The following GNG12 variants were observed in gnomAD, a reference collection of about 807,000 sequenced individuals.
The protein encoded by GNG12 is guanine nucleotide-binding protein G(I)/G(S)/G(O) subunit gamma-12.
For missense variants in GNG12, 69 were observed against 83.8 expected, an observed-to-expected ratio of 0.82 and a Z score of 0.69; for synonymous variants, 28 against 29.7, an observed-to-expected ratio of 0.94 and a Z score of 0.19.
rs1646231477 is a variant in GNG12, at chr1:67,704,217, G to A, written c.*1234C>T. On this transcript the variant is annotated 3_prime_UTR_variant, in exon 4 of 4. Coordinates refer to ENST00000370982, the MANE Select transcript of GNG12 (RefSeq NM_018841.6). Reference sequence around the variant, plus strand: ...CAAGGAGTGTACCACTGAATCCAAGGCTCTCTTGGGTAGCCTATGTGCCTC... The same window carrying A: ...CAAGGAGTGTACCACTGAATCCAAGACTCTCTTGGGTAGCCTATGTGCCTC... 1 of 152,216 alleles carries A rather than the reference G, an allele frequency of 6.6e-6. No homozygotes were observed. The highest frequency in any genetic ancestry group is 6.5e-5 in the Admixed American group (1 of 15,284). The allele number at this position is 152,216 out of a possible 1,614,324, so 9.4% of individuals were successfully genotyped here.
chr1:67,741,273 A>G (rs2100712753), intron 2 of GNG12, among the ~76,000 whole-genome samples: 1 of 152,376 alleles, frequency 6.6e-6, no homozygotes, highest in South Asian at 2.1e-4. Flanking sequence ...TAAACACGTC[A>G]GAGTTCCTGG....
intron 2 of GNG12, among the ~76,000 whole-genome samples, chr1:67,766,094 C>T (rs1459273395): frequency 7.6e-6 from 1 of 132,090 alleles, no homozygotes; most frequent in African/African-American, 3.0e-5. Context: ...TCAAACAAAA[C>T]AAGGCACACA....
At chr1:67,746,644 T>C (rs1156592261) in intron 2 of GNG12, among the ~76,000 whole-genome samples, 2 of 152,182 alleles carry the variant, frequency 1.3e-5, no homozygotes, top group Non-Finnish European at 2.9e-5. Flanking sequence ...ATCTAAAAAA[T>C]ACTGTTCTAA....
intron 1 of GNG12, among the ~76,000 whole-genome samples, chr1:67,818,412 G>GTTT (rs1336642112): frequency 6.7e-4 from 76 of 112,604 alleles, no homozygotes; most frequent in African/African-American, 2.9e-3. Flanking sequence ...AAAGACCAGG[G>GTTT]GTTTTTTTTT....
chr1:67,758,673 C>T (rs564796266), intron 2 of GNG12, among the ~76,000 whole-genome samples: 2 of 152,254 alleles, frequency 1.3e-5, no homozygotes, highest in African/African-American at 4.8e-5. Flanking sequence ...TAGAACAAAC[C>T]CACCCAAAAA....
rs1646240011 is a variant in GNG12, at chr1:67,705,271, A to G, written c.*180T>C. ...GATTGTTATTCTGTATTAAATCAGT[A>G]AAGGGTATTTTAAGAGAAAGGACAA... On this transcript the variant is annotated 3_prime_UTR_variant, in exon 4 of 4. Transcript: ENST00000370982. 1 of 858,960 alleles carries G rather than the reference A, an allele frequency of 1.2e-6. No homozygotes were observed. The highest frequency in any genetic ancestry group is 2.9e-5 in the East Asian group (1 of 34,350). 53.2% of individuals were successfully genotyped at this position (858,960 alleles called of 1,614,324 possible). A position where few individuals can be genotyped will look rare whatever the true frequency, so the allele number is the denominator to read the frequency against.
chr1:67,784,683 T>C (rs995360536), intron 1 of GNG12, among the ~76,000 whole-genome samples: 8 of 152,202 alleles, frequency 5.3e-5, no homozygotes, highest in African/African-American at 1.7e-4. Context: ...ATAAGTTCTT[T>C]ATAGCGCACA....
intron 1 of GNG12, among the ~76,000 whole-genome samples, chr1:67,795,964 G>T (rs1305895964): frequency 1.3e-5 from 2 of 152,216 alleles, no homozygotes; most frequent in East Asian, 3.9e-4. Context: ...TTCTCCTACG[G>T]GTACAATTAA....
At chr1:67,708,710 C>A (rs1267098484) in intron 2 of GNG12, among the ~76,000 whole-genome samples, 1 of 152,128 alleles carries the variant, frequency 6.6e-6, no homozygotes, top group Non-Finnish European at 1.5e-5. Context: ...ATCAGGGTGG[C>A]AACTGAAGGA....
chr1:67,774,039 C>A (rs1007265437), intron 2 of GNG12, among the ~76,000 whole-genome samples: 1 of 152,194 alleles, frequency 6.6e-6, no homozygotes, highest in African/African-American at 2.4e-5. Context: ...CATTGTTTTA[C>A]CTACAGAGAT....
At chr1:67,751,585 T>C (rs1057444202) in intron 2 of GNG12, among the ~76,000 whole-genome samples, 9 of 152,198 alleles carry the variant, frequency 5.9e-5, no homozygotes, top group African/African-American at 1.9e-4. Context: ...GTTTGGGGTC[T>C]TGAGTACAAA....
chr1:67,756,032 C>G (rs115849524), intron 2 of GNG12, among the ~76,000 whole-genome samples: 4 of 152,258 alleles, frequency 2.6e-5, no homozygotes, highest in African/African-American at 9.6e-5. Flanking sequence ...GCCCATCTTA[C>G]TTGTGCCTGG....
At chr1:67,806,240 A>G (rs183993176) in intron 1 of GNG12, among the ~76,000 whole-genome samples, 3 of 152,334 alleles carry the variant, frequency 2.0e-5, no homozygotes, top group African/African-American at 4.8e-5. Context: ...TGAAGAATGC[A>G]TAAGTGAATT....
At chr1:67,832,380 T>C (rs1036652020) in intron 1 of GNG12, 4 of 152,072 alleles carry the variant, frequency 2.6e-5, no homozygotes, top group East Asian at 3.9e-4. Context: ...TCAGTCCCAG[T>C]TGGGCAAAGT....
chr1:67,797,798 C>T (rs190569955), intron 1 of GNG12, among the ~76,000 whole-genome samples: 2 of 152,268 alleles, frequency 1.3e-5, no homozygotes, highest in East Asian at 1.9e-4. Context: ...GGGCACATAG[C>T]ATTTAACGAG....
chr1:67,813,911 G>A (rs913942368), intron 1 of GNG12, among the ~76,000 whole-genome samples: 1 of 151,760 alleles, frequency 6.6e-6, no homozygotes, highest in African/African-American at 2.4e-5. Context: ...ATATATATAT[G>A]TGTATATATA....
intron 1 of GNG12, among the ~76,000 whole-genome samples, chr1:67,830,432 A>G (rs1647036807): frequency 1.3e-5 from 2 of 152,232 alleles, no homozygotes; most frequent in Admixed American, 1.3e-4. Flanking sequence ...ACTCACAATC[A>G]GCCTAACACT....
intron 2 of GNG12, among the ~76,000 whole-genome samples, chr1:67,751,064 T>C (rs1321340757): frequency 6.6e-6 from 1 of 152,208 alleles, no homozygotes; most frequent in Non-Finnish European, 1.5e-5. Flanking sequence ...TTAACCTCAG[T>C]TATTATTTGG....
chr1:67,810,804 G>A (rs1646920344), intron 1 of GNG12, among the ~76,000 whole-genome samples: 1 of 152,106 alleles, frequency 6.6e-6, no homozygotes, highest in African/African-American at 2.4e-5. Context: ...TGTGATGACC[G>A]CAATGATGAC....
Sources: allele counts gnomAD v4.1 joint callset (sites outside exome capture counted in the v4.1 genomes callset), GRCh38; gene constraint gnomAD v4.1.1; transcripts MANE v1.5; gene names NCBI Gene and HGNC (gene_info 2026-07-23, HGNC 2026-07-21).